Variants in DDAH1 observed in about 807,000 individuals in gnomAD.
DDAH1 encodes the protein dimethylarginine dimethylaminohydrolase 1.
In DDAH1, 19 loss-of-function variants were observed where a neutral mutation model predicts 28.8. The ratio of observed to expected loss-of-function variants is 0.66; its 90% CI spans 0.46 to 0.97. The LOEUF (loss-of-function observed/expected upper bound fraction) is 0.97, where lower values mean the gene tolerates loss of function less well. Ranked by LOEUF, DDAH1 falls within the 50% of genes least tolerant of loss-of-function variation. The pLI, the probability that DDAH1 is intolerant of heterozygous loss-of-function variation, is 0.00. For missense variants in DDAH1, 326 were observed against 375.9 expected, an observed-to-expected ratio of 0.87 and a Z score of 1.10; for synonymous variants, 153 against 154.4, an observed-to-expected ratio of 0.99 and a Z score of 0.07.
intron 1 of DDAH1, among the ~76,000 whole-genome samples, chr1:85,553,800 A>G (rs992769174): frequency 6.6e-6 from 1 of 152,232 alleles, no homozygotes. Context: ...CAGGTGCTAC[A>G]TAACTGGATA....
intron 1 of DDAH1, among the ~76,000 whole-genome samples, chr1:85,421,965 G>C (rs1653158876): frequency 2.0e-5 from 3 of 152,184 alleles, no homozygotes; most frequent in Admixed American, 2.0e-4. Context: ...GAGCATGATT[G>C]CTGGATTGTA....
chr1:85,490,867 C>G (rs1452684693), intron 2 of DDAH1, among the ~76,000 whole-genome samples: 8 of 152,178 alleles, frequency 5.3e-5, no homozygotes, highest in Non-Finnish European at 4.4e-5. Flanking sequence ...TGTGACATGT[C>G]TGCTCAGGGC....
At chr1:85,491,819 C>T (rs541265084) in intron 2 of DDAH1, among the ~76,000 whole-genome samples, 2 of 152,142 alleles carry the variant, frequency 1.3e-5, no homozygotes, top group South Asian at 4.2e-4. Flanking sequence ...TACTCTATAC[C>T]ATCATTCTCA....
intron 4 of DDAH1, among the ~76,000 whole-genome samples, chr1:85,349,521 A>G (rs1170047080): frequency 1.3e-5 from 2 of 152,200 alleles, no homozygotes; most frequent in Admixed American, 6.5e-5. Flanking sequence ...ACCAGCTAAG[A>G]GGAAGGGGCT....
At chr1:85,410,513 C>A (rs1247665676) in intron 1 of DDAH1, among the ~76,000 whole-genome samples, 1 of 152,032 alleles carries the variant, frequency 6.6e-6, no homozygotes, top group East Asian at 1.9e-4. Flanking sequence ...GTGGCACATG[C>A]CTGTAATCCC....
At chr1:85,417,350 G>A (rs1419248913) in intron 1 of DDAH1, among the ~76,000 whole-genome samples, 1 of 152,114 alleles carries the variant, frequency 6.6e-6, no homozygotes, top group Non-Finnish European at 1.5e-5. Flanking sequence ...GTGTGCAAGA[G>A]CCCCATTCAC....
chr1:85,418,728 T>C (rs754781213), intron 1 of DDAH1, among the ~76,000 whole-genome samples: 2 of 152,224 alleles, frequency 1.3e-5, no homozygotes, highest in Non-Finnish European at 2.9e-5. Context: ...CTGTCACTTC[T>C]CCTTTTAACA....
intron 2 of DDAH1, among the ~76,000 whole-genome samples, chr1:85,489,300 T>C (rs992650247): frequency 6.6e-6 from 1 of 152,154 alleles, no homozygotes; most frequent in African/African-American, 2.4e-5. Context: ...GAACTATCAC[T>C]ACCTGAAGGA....
At chr1:85,461,953 T>C (rs1392259358) in intron 1 of DDAH1, among the ~76,000 whole-genome samples, 1 of 152,240 alleles carries the variant, frequency 6.6e-6, no homozygotes, top group Non-Finnish European at 1.5e-5. Flanking sequence ...GGTTACACTC[T>C]ATAACCCTGG....
intron 1 of DDAH1, among the ~76,000 whole-genome samples, chr1:85,569,002 T>A (rs1300175507): frequency 6.6e-6 from 1 of 152,214 alleles, no homozygotes; most frequent in African/African-American, 2.4e-5. Flanking sequence ...CATCTTTGTA[T>A]CCCCAAACCC....
At chr1:85,479,868 C>CA (rs1655947998) in intron 2 of DDAH1, among the ~76,000 whole-genome samples, 1 of 152,070 alleles carries the variant, frequency 6.6e-6, no homozygotes, top group South Asian at 2.1e-4. Flanking sequence ...TAGAAGAGGT[C>CA]ACAAAATTCT....
intron 2 of DDAH1, among the ~76,000 whole-genome samples, chr1:85,352,270 G>T (rs1649257846): frequency 6.6e-6 from 1 of 152,118 alleles, no homozygotes; most frequent in Non-Finnish European, 1.5e-5. Context: ...GCAAGTGTGG[G>T]TGTGTGTGGG....
chr1:85,402,801 T>C (rs1335097595), intron 1 of DDAH1, among the ~76,000 whole-genome samples: 2 of 151,040 alleles, frequency 1.3e-5, no homozygotes, highest in South Asian at 4.2e-4. Context: ...TCCAGCTACT[T>C]GGGAGGCTGA....
chr1:85,531,861 T>C (rs1658102781), intron 1 of DDAH1, among the ~76,000 whole-genome samples: 1 of 148,598 alleles, frequency 6.7e-6, no homozygotes, highest in South Asian at 2.2e-4. Context: ...AGTTAACCAA[T>C]CTGCTTAAAG....
intron 1 of DDAH1, among the ~76,000 whole-genome samples, chr1:85,539,242 G>A (rs1267373926): frequency 5.3e-5 from 8 of 151,948 alleles, no homozygotes; most frequent in Admixed American, 2.6e-4. Context: ...CACCTCCAGG[G>A]TTCAAACGAT....
intron 1 of DDAH1, among the ~76,000 whole-genome samples, chr1:85,375,403 C>T (rs1411193523): frequency 6.6e-6 from 1 of 152,106 alleles, no homozygotes; most frequent in African/African-American, 2.4e-5. Flanking sequence ...CTTGTCCACA[C>T]TGACTACATG....
At chr1:85,336,722 T>C (rs1648148629) in intron 4 of DDAH1, among the ~76,000 whole-genome samples, 1 of 151,650 alleles carries the variant, frequency 6.6e-6, no homozygotes, top group South Asian at 2.1e-4. Flanking sequence ...AAAATAATAC[T>C]AAGGATCAAT....
intron 5 of DDAH1, 118 bp from the exon 6 acceptor site, chr1:85,321,686 A>G (rs1191414742): frequency 1.1e-5 from 9 of 801,784 alleles, no homozygotes; most frequent in Admixed American, 1.9e-5. Flanking sequence ...CCCAAGACAC[A>G]CAGGCAGTCT....
intron 1 of DDAH1, among the ~76,000 whole-genome samples, chr1:85,510,256 A>G (rs1300464246): frequency 6.6e-6 from 1 of 152,214 alleles, no homozygotes; most frequent in African/African-American, 2.4e-5. Flanking sequence ...ACTAAGCTTC[A>G]TAAGTGAAGG....
Sources: allele counts gnomAD v4.1 joint callset (sites outside exome capture counted in the v4.1 genomes callset), GRCh38; gene constraint gnomAD v4.1.1; transcripts MANE v1.5; gene names NCBI Gene and HGNC (gene_info 2026-07-23, HGNC 2026-07-21).